SYT1: variants seen among roughly 807,000 people sequenced by gnomAD.
The protein encoded by SYT1 is synaptotagmin-1.
SYT1 carries 8 observed loss-of-function variants against 44.8 expected under a neutral mutation model. The ratio of observed to expected loss-of-function variants is 0.18; its 90% CI spans 0.10 to 0.32. SYT1 has a LOEUF of 0.32. SYT1 is among the 10% of genes least tolerant of loss of function. The pLI is 1.00. For synonymous variants in SYT1, 154 were observed against 188.8 expected (o/e 0.82, Z 1.51); for missense variants, 286 against 509.3 (o/e 0.56, Z 4.22).
At chr12:79,271,830 G>T (rs1242668456) in intron 4 of SYT1, among the ~76,000 whole-genome samples, 7 of 152,128 alleles carry the variant, frequency 4.6e-5, no homozygotes, top group Non-Finnish European at 1.0e-4. Flanking sequence ...TCTACAGAGA[G>T]CCAAGATTTA....
intron 1 of SYT1, among the ~76,000 whole-genome samples, chr12:78,887,966 A>G (rs541371201): frequency 6.6e-6 from 1 of 151,990 alleles, no homozygotes; most frequent in South Asian, 2.1e-4. Flanking sequence ...TCTAAAGAGG[A>G]CTGCTCAAAT....
chr12:79,015,331 C>T (rs1871735841), intron 2 of SYT1, among the ~76,000 whole-genome samples: 1 of 152,100 alleles, frequency 6.6e-6, no homozygotes, highest in African/African-American at 2.4e-5. Flanking sequence ...ATAGACTGGA[C>T]TCCAATTTAA....
intron 9 of SYT1, among the ~76,000 whole-genome samples, chr12:79,365,051 A>G (rs529062617): frequency 1.4e-4 from 22 of 152,152 alleles, no homozygotes; most frequent in Non-Finnish European, 2.4e-4. Context: ...CTTTTCATAC[A>G]TAAGTAAAAA....
At chr12:79,211,574 A>T (rs988029897) in intron 3 of SYT1, among the ~76,000 whole-genome samples, 1 of 148,864 alleles carries the variant, frequency 6.7e-6, no homozygotes, top group African/African-American at 2.5e-5. Context: ...ATATCTCCCA[A>T]TGCTATCCCT....
intron 1 of SYT1, among the ~76,000 whole-genome samples, chr12:78,867,858 AGTATTAATTATATGCTT>A (rs1445726259): frequency 6.6e-6 from 1 of 151,984 alleles, no homozygotes; most frequent in African/African-American, 2.4e-5. Context: ...ACTAAAAAAT[AGTATTAATTATATGCTT>A]GTATTAATTA....
chr12:79,442,179 A>G (rs540800850), intron 9 of SYT1, among the ~76,000 whole-genome samples: 1 of 152,208 alleles, frequency 6.6e-6, no homozygotes, highest in East Asian at 1.9e-4. Context: ...TAGTATATAC[A>G]TGTATTTCAT....
intron 1 of SYT1, among the ~76,000 whole-genome samples, chr12:78,967,586 C>T (rs1868278140): frequency 6.6e-6 from 1 of 152,024 alleles, no homozygotes; most frequent in Non-Finnish European, 1.5e-5. Flanking sequence ...GGCTAGGAAA[C>T]ACAAAATAAG....
chr12:78,881,640 A>G (rs1415107127), intron 1 of SYT1, among the ~76,000 whole-genome samples: 2 of 151,760 alleles, frequency 1.3e-5, no homozygotes, highest in South Asian at 2.1e-4. Flanking sequence ...ATCACTAGCC[A>G]TTTATGCTTT....
chr12:79,006,277 C>T (rs1026272534), intron 2 of SYT1, among the ~76,000 whole-genome samples: 4 of 152,060 alleles, frequency 2.6e-5, no homozygotes, highest in Admixed American at 1.3e-4. Flanking sequence ...GTATTAGATT[C>T]GGTCATCAAA....
chr12:79,430,545 GGAGGCT>G (rs2136176553), intron 9 of SYT1, among the ~76,000 whole-genome samples: 1 of 152,278 alleles, frequency 6.6e-6, no homozygotes, highest in East Asian at 1.9e-4. Context: ...CAGGACTTTG[GGAGGCT>G]GAGGCAGGAG....
chr12:79,055,765 ATTG>A (rs1322203836), intron 3 of SYT1, among the ~76,000 whole-genome samples: 3 of 152,046 alleles, frequency 2.0e-5, no homozygotes, highest in African/African-American at 7.2e-5. Context: ...AGTAAAAATT[ATTG>A]TTGTTATATT....
intron 8 of SYT1, among the ~76,000 whole-genome samples, chr12:79,347,039 TTC>T (rs1882640348): frequency 6.8e-6 from 1 of 147,808 alleles, no homozygotes; most frequent in African/African-American, 2.6e-5. Context: ...TGTTTGTTTT[TTC>T]TTTTTTTTTT....
At chr12:79,215,985 G>T (rs1874776332) in intron 3 of SYT1, among the ~76,000 whole-genome samples, 1 of 119,554 alleles carries the variant, frequency 8.4e-6, no homozygotes, top group Non-Finnish European at 1.6e-5. Flanking sequence ...AGGCTGGAGT[G>T]CAGTAGCACA....
chr12:79,304,388 A>G (rs1357805481), intron 8 of SYT1, among the ~76,000 whole-genome samples: 1 of 152,196 alleles, frequency 6.6e-6, no homozygotes, highest in Non-Finnish European at 1.5e-5. Context: ...AATGCTGAAG[A>G]TAGTTTAGTG....
chr12:79,109,151 G>T (rs1189379514), intron 3 of SYT1, among the ~76,000 whole-genome samples: 3 of 152,282 alleles, frequency 2.0e-5, no homozygotes, highest in Non-Finnish European at 2.9e-5. Context: ...GCTCCTCCCT[G>T]CTGCAAACAG....
chr12:79,004,729 C>T (rs1339916673), intron 2 of SYT1, among the ~76,000 whole-genome samples: 2 of 151,770 alleles, frequency 1.3e-5, no homozygotes, highest in East Asian at 3.9e-4. Flanking sequence ...AAGTACTTTA[C>T]CACATTTCAT....
At chr12:78,903,902 G>T (rs1210198423) in intron 1 of SYT1, among the ~76,000 whole-genome samples, 1 of 151,602 alleles carries the variant, frequency 6.6e-6, no homozygotes, top group Admixed American at 6.6e-5. Context: ...TTAAGCTAGA[G>T]GACAATTCTC....
intron 3 of SYT1, among the ~76,000 whole-genome samples, chr12:79,191,685 C>T (rs1367055660): frequency 3.9e-5 from 6 of 152,146 alleles, no homozygotes; most frequent in East Asian, 1.9e-4. Flanking sequence ...TTCAAAAATG[C>T]ATGGTTAGTT....
chr12:79,410,755 C>T (rs948596669), intron 9 of SYT1, among the ~76,000 whole-genome samples: 1 of 152,064 alleles, frequency 6.6e-6, no homozygotes, highest in Admixed American at 6.6e-5. Context: ...TTACATTTGG[C>T]AGTTATGCCC....
Sources: gnomAD v4.1 joint callset for allele counts (sites outside exome capture counted in the v4.1 genomes callset) on GRCh38, gnomAD v4.1.1 for gene constraint, MANE v1.5 for transcripts, NCBI Gene and HGNC (gene_info 2026-07-23, HGNC 2026-07-21) for gene names.